LRCH1: variants seen among roughly 807,000 people sequenced by gnomAD.
LRCH1 encodes leucine-rich repeat and calponin homology domain-containing protein 1.
Under a neutral mutation model 94.9 loss-of-function variants are expected in LRCH1, and 23 were observed. The observed-to-expected ratio is 0.24, with a 90% confidence interval of 0.17 to 0.34. The LOEUF is 0.34. Among genes scored for constraint, LRCH1 ranks in the 10% least tolerant of loss-of-function variants. The pLI, the probability that LRCH1 is intolerant of heterozygous loss-of-function variation, is 1.00. For missense variants in LRCH1, 790 were observed against 945.9 expected, an observed-to-expected ratio of 0.84 and a Z score of 2.16; for synonymous variants, 364 against 354.9, an observed-to-expected ratio of 1.03 and a Z score of -0.29.
chr13:46,640,812 G>A (rs1215370397), intron 1 of LRCH1, among the ~76,000 whole-genome samples: 2 of 152,214 alleles, frequency 1.3e-5, no homozygotes, highest in Non-Finnish European at 2.9e-5. Flanking sequence ...GGTTAAGATG[G>A]TTATGAAAGA....
intron 1 of LRCH1, among the ~76,000 whole-genome samples, chr13:46,622,337 G>A (rs184824129): frequency 1.2e-4 from 19 of 152,186 alleles, no homozygotes; most frequent in Admixed American, 2.6e-4. Flanking sequence ...ACAATCTATC[G>A]TTGTTCAGTC....
chr13:46,666,143 G>T (rs531369779), intron 2 of LRCH1, among the ~76,000 whole-genome samples: 1 of 152,140 alleles, frequency 6.6e-6, no homozygotes, highest in Non-Finnish European at 1.5e-5. Flanking sequence ...TGGTGAATTG[G>T]TAAGTCTACA....
At chr13:46,553,765 C>A in intron 1 of LRCH1, 62 bp downstream of exon 1, 2 of 1,580,480 alleles carry the variant, frequency 1.3e-6, no homozygotes, top group South Asian at 2.3e-5. Context: ...GTCGTGCGTT[C>A]CCTAACGCGG....
At chr13:46,636,828 G>T (rs1197638369) in intron 1 of LRCH1, among the ~76,000 whole-genome samples, 1 of 152,156 alleles carries the variant, frequency 6.6e-6, no homozygotes, top group East Asian at 1.9e-4. Context: ...CTCCCTTTTA[G>T]TGTTCTTCCT....
chr13:46,723,174 T>G (rs1401704749), intron 16 of LRCH1, 47 bp from the exon 17 acceptor site: 2 of 1,019,666 alleles, frequency 2.0e-6, no homozygotes, highest in African/African-American at 3.3e-5. Context: ...AATAGCCCTA[T>G]GTGACAAGGC....
intron 1 of LRCH1, among the ~76,000 whole-genome samples, chr13:46,610,267 G>A (rs1050406794): frequency 2.0e-5 from 3 of 152,120 alleles, no homozygotes; most frequent in African/African-American, 7.2e-5. Flanking sequence ...ATAATTGTAT[G>A]TGATCGTATA....
At chr13:46,637,058 C>A (rs528868391) in intron 1 of LRCH1, among the ~76,000 whole-genome samples, 1 of 152,338 alleles carries the variant, frequency 6.6e-6, no homozygotes, top group South Asian at 2.1e-4. Flanking sequence ...ACCTGCCCCC[C>A]AATATCTGCC....
At chr13:46,613,781 A>G (rs2050773898) in intron 1 of LRCH1, among the ~76,000 whole-genome samples, 1 of 152,144 alleles carries the variant, frequency 6.6e-6, no homozygotes, top group African/African-American at 2.4e-5. Context: ...CACAGAAGTT[A>G]TTCTCTAAGT....
At chr13:46,751,151 T>C (rs1388828021) in exon 19 of LRCH1, 1 of 152,152 alleles carries the variant, frequency 6.6e-6, no homozygotes, top group Non-Finnish European at 1.5e-5. Context: ...TATTTATTAG[T>C]GAGTTGTTAT....
chr13:46,677,255 C>CA (rs67827727), intron 3 of LRCH1, among the ~76,000 whole-genome samples: 11,483 of 98,016 alleles, frequency 0.12, 578 homozygotes, highest in East Asian at 0.23. Context: ...ACTAAAAATA[C>CA]AAAAAAAAAA....
At chr13:46,598,134 A>C (rs2050585301) in intron 1 of LRCH1, among the ~76,000 whole-genome samples, 1 of 152,172 alleles carries the variant, frequency 6.6e-6, no homozygotes, top group Non-Finnish European at 1.5e-5. Context: ...TACAAAAATT[A>C]GCCGGTCAAG....
At position 46,741,850 on chromosome 13, in the gene LRCH1, G is replaced by A. The variant is rs1365352169; in HGVS notation, c.*2G>A. ...CACTGGAATGCTCTGTCCGCATAAT[G>A]TCTGCACGTGCATCCAAACGCTGTG... On this transcript the variant is annotated 3_prime_UTR_variant, in exon 20 of 20. Transcript: ENST00000389797. The A allele has an allele frequency of 8.1e-6, 13 of 1,613,496 alleles. No individual in the cohort carries two copies. Among genetic ancestry groups the A allele is most frequent in the East Asian group, 6.7e-5 (3 of 44,880 alleles).
exon 19 of LRCH1, chr13:46,752,650 G>A (rs965454116): frequency 1.3e-5 from 2 of 152,172 alleles, no homozygotes; most frequent in Non-Finnish European, 2.9e-5. Flanking sequence ...TATATAAGTA[G>A]GAGTTTAGCC....
At chr13:46,642,593 G>C (rs2051172349) in intron 1 of LRCH1, among the ~76,000 whole-genome samples, 1 of 152,206 alleles carries the variant, frequency 6.6e-6, no homozygotes, top group Non-Finnish European at 1.5e-5. Flanking sequence ...GATTGTATCA[G>C]AAACTAGCTG....
chr13:46,640,079 T>C (rs1421193944), intron 1 of LRCH1, among the ~76,000 whole-genome samples: 1 of 152,262 alleles, frequency 6.6e-6, no homozygotes, highest in Non-Finnish European at 1.5e-5. Context: ...AACAGATACA[T>C]TGATCATTGA....
intron 1 of LRCH1, among the ~76,000 whole-genome samples, chr13:46,582,752 C>T (rs866360205): frequency 1.1e-4 from 16 of 148,904 alleles, no homozygotes; most frequent in African/African-American, 3.5e-4. Context: ...CTGCTTGCCT[C>T]GGCCTCCCAG....
chr13:46,575,217 C>A (rs2050290148), intron 1 of LRCH1, among the ~76,000 whole-genome samples: 1 of 152,258 alleles, frequency 6.6e-6, no homozygotes, highest in Non-Finnish European at 1.5e-5. Context: ...CTGCTGGTCC[C>A]CTCTATCATC....
chr13:46,573,866 ATTT>A (rs540821255), intron 1 of LRCH1, among the ~76,000 whole-genome samples: 3 of 63,388 alleles, frequency 4.7e-5, no homozygotes, highest in South Asian at 6.7e-4. Context: ...ATATATATAT[ATTT>A]TTTTTTTTTT....
chr13:46,645,469 TGA>T (rs1307558491), intron 1 of LRCH1, among the ~76,000 whole-genome samples: 2 of 152,250 alleles, frequency 1.3e-5, no homozygotes, highest in Non-Finnish European at 2.9e-5. Flanking sequence ...TTAATTATGA[TGA>T]TGAAACAAAA....
Sources: gnomAD v4.1 joint callset for allele counts (sites outside exome capture counted in the v4.1 genomes callset) on GRCh38, gnomAD v4.1.1 for gene constraint, MANE v1.5 for transcripts, NCBI Gene and HGNC (gene_info 2026-07-23, HGNC 2026-07-21) for gene names.